AVL9: variants seen among roughly 807,000 people sequenced by gnomAD.
AVL9 encodes the protein AVL9 cell migration associated.
A neutral mutation model predicts 79.2 loss-of-function variants in AVL9; 49 were observed. That is an observed-to-expected ratio of 0.62 (90% CI 0.49 to 0.79). The LOEUF (loss-of-function observed/expected upper bound fraction) is 0.79. Among genes scored for constraint, AVL9 ranks in the 30% least tolerant of loss-of-function variants. The pLI is 0.00. For synonymous variants in AVL9, 299 were observed against 280.6 expected (o/e 1.07, Z -0.65); for missense variants, 682 against 776.8 (o/e 0.88, Z 1.45).
rs372783044 is a variant in AVL9 at position 32,527,652 on chromosome 7, A to G, written c.94-15489A>G. Among the ~76,000 whole-genome samples the G allele has an allele frequency of 2.1e-4, 32 of 152,292 alleles. No individual in the cohort carries two copies. The East Asian group carries it at 6.0e-3, about 28-fold the overall frequency. ...CTTGCTGACTCTAACACCCTTGACCATAGGGAGTCCCACCGAGGGACAGGA... is the reference window on the plus strand; with the variant it reads ...CTTGCTGACTCTAACACCCTTGACCGTAGGGAGTCCCACCGAGGGACAGGA... On this transcript the variant is annotated intron_variant, in intron 1 of 15. Coordinates refer to ENST00000318709, the MANE Select transcript of AVL9 (RefSeq NM_015060.3).
chr7:32,566,735 T>G (rs1790594139), intron 10 of AVL9, among the ~76,000 whole-genome samples: 1 of 151,114 alleles, frequency 6.6e-6, no homozygotes. Flanking sequence ...AAAAAGAAAT[T>G]AGCCAGGCAT....
chr7:32,555,704 G>C (rs1312463929), intron 8 of AVL9, among the ~76,000 whole-genome samples: 2 of 152,148 alleles, frequency 1.3e-5, no homozygotes, highest in Non-Finnish European at 2.9e-5. Flanking sequence ...ACCAGCCTTT[G>C]GTTTAGACTA....
chr7:32,498,380 C>G (rs1786960421), intron 1 of AVL9, among the ~76,000 whole-genome samples: 1 of 151,804 alleles, frequency 6.6e-6, no homozygotes, highest in East Asian at 1.9e-4. Context: ...TCCCAAGTAG[C>G]TGGGATTACA....
At chr7:32,548,729 T>C in intron 3 of AVL9, 118 bp from the exon 4 acceptor site, 2 of 682,136 alleles carry the variant, frequency 2.9e-6, no homozygotes, top group Non-Finnish European at 4.5e-6. Flanking sequence ...AAAAAACTTT[T>C]TGAATTTAAC....
chr7:32,496,285 C>G (rs554429244), intron 1 of AVL9, among the ~76,000 whole-genome samples: 3 of 152,326 alleles, frequency 2.0e-5, no homozygotes, highest in African/African-American at 7.2e-5. Context: ...GAAAAATCAG[C>G]TTCCTTTGTT....
intron 1 of AVL9, among the ~76,000 whole-genome samples, chr7:32,517,258 A>G (rs1274628739): frequency 6.6e-6 from 1 of 151,700 alleles, no homozygotes; most frequent in Non-Finnish European, 1.5e-5. Context: ...AATAAGCCCA[A>G]ACGCTTTTCA....
Position 32,584,129 on chromosome 7 carries a change from T to A in AVL9, c.*222T>A. 1 of 588,128 alleles carries A rather than the reference T, an allele frequency of 1.7e-6. No homozygotes were observed. Among genetic ancestry groups the A allele is most frequent in the Non-Finnish European group, 3.1e-6 (1 of 318,408 alleles). The allele number at this position is 588,128 out of a possible 1,614,324, so 36.4% of individuals were successfully genotyped here. ...TTGGGGTTTCAATTGACTACTTTTA[T>A]TTCAGTCTGAGCCTGATTAAAACAT... is the stretch of plus-strand genomic sequence containing the variant. On this transcript the variant is annotated 3_prime_UTR_variant, in exon 16 of 16. Transcript: ENST00000318709.
chr7:32,567,754 A>G (rs925291382), intron 10 of AVL9, among the ~76,000 whole-genome samples: 33 of 151,650 alleles, frequency 2.2e-4, no homozygotes, highest in Admixed American at 2.1e-3. Flanking sequence ...TGCCCTTGTC[A>G]CCCAGGCTGG....
At chr7:32,543,657 G>A (rs116633138) in intron 2 of AVL9, among the ~76,000 whole-genome samples, 1,827 of 152,304 alleles carry the variant, frequency 0.012, 42 homozygotes, top group African/African-American at 0.04. Flanking sequence ...CTTAGAAACA[G>A]CTGAGATTGT....
intron 1 of AVL9, among the ~76,000 whole-genome samples, chr7:32,518,697 G>A (rs1788011246): frequency 6.6e-6 from 1 of 152,080 alleles, no homozygotes; most frequent in Non-Finnish European, 1.5e-5. Context: ...TAAGAAAGAA[G>A]GATATGTAGG....
intron 1 of AVL9, chr7:32,538,622 C>G (rs1789028491): frequency 6.6e-6 from 1 of 152,142 alleles, no homozygotes; most frequent in Non-Finnish European, 1.5e-5. Flanking sequence ...CAACCTCATT[C>G]TCCTCTCCAG....
intron 6 of AVL9, among the ~76,000 whole-genome samples, chr7:32,552,557 C>T (rs1481356836): frequency 6.6e-6 from 1 of 151,054 alleles, no homozygotes; most frequent in African/African-American, 2.4e-5. Flanking sequence ...CCTCAATTAT[C>T]ATTGAAAATG....
chr7:32,567,872 C>T (rs1213063368), intron 10 of AVL9, among the ~76,000 whole-genome samples: 3 of 151,884 alleles, frequency 2.0e-5, no homozygotes. Context: ...CACTCGCCAC[C>T]ACAGGTCCAG....
At chr7:32,566,542 C>CTT (rs1790577664) in intron 10 of AVL9, among the ~76,000 whole-genome samples, 2 of 151,548 alleles carry the variant, frequency 1.3e-5, no homozygotes, top group African/African-American at 4.9e-5. Flanking sequence ...TATATAAATA[C>CTT]TAATATTTTA....
chr7:32,515,020 T>G (rs1228470759), intron 1 of AVL9, among the ~76,000 whole-genome samples: 1 of 152,210 alleles, frequency 6.6e-6, no homozygotes, highest in Non-Finnish European at 1.5e-5. Context: ...TTTTTCTTAG[T>G]GCAGATCAAA....
intron 1 of AVL9, chr7:32,536,097 A>T (rs541104658): frequency 1.3e-5 from 2 of 152,196 alleles, no homozygotes; most frequent in African/African-American, 2.4e-5. Context: ...GTGTTTTTTC[A>T]TAGCAGTATG....
At chr7:32,567,623 AT>A (rs1420156101) in intron 10 of AVL9, among the ~76,000 whole-genome samples, 1 of 152,114 alleles carries the variant, frequency 6.6e-6, no homozygotes, top group African/African-American at 2.4e-5. Flanking sequence ...GCAGAAACAA[AT>A]GCATATTTTC....
chr7:32,551,458 G>T, intron 5 of AVL9, 35 bp downstream of exon 5: 5 of 1,190,776 alleles, frequency 4.2e-6, no homozygotes, highest in Non-Finnish European at 5.0e-6. Context: ...GTGTTTGGCT[G>T]AAGATAGACT....
Position 32,559,281 on chromosome 7 carries a change from G to T in AVL9, c.1032G>T (p.Leu344Phe). 1.2e-6 allele frequency: 2 copies of T among 1,614,162 alleles called. No homozygotes were observed. The highest frequency in any genetic ancestry group is 1.7e-6 in the Non-Finnish European group (2 of 1,180,024). Residue 344 changes from leucine to phenylalanine, a missense_variant, in exon 10 of 16, where the codon TTG becomes TTT. Coordinates refer to ENST00000318709, the MANE Select transcript of AVL9 (RefSeq NM_015060.3). ...CTAGTGTCTTAGAGGACCCCAACTT[G>T]AAAGAAAGGGAACAGCTGGGATCAG... ...LDPSVLEDPN[L>F]KEREQLGSDQ...
Sources: gnomAD v4.1 joint callset for allele counts (sites outside exome capture counted in the v4.1 genomes callset) on GRCh38, gnomAD v4.1.1 for gene constraint, MANE v1.5 for transcripts, NCBI Gene and HGNC (gene_info 2026-07-23, HGNC 2026-07-21) for gene names.